PRELID2: variants seen among roughly 807,000 people sequenced by gnomAD.
PRELID2 encodes the protein PRELI domain-containing protein 2.
In PRELID2, 25 loss-of-function variants were observed where a neutral mutation model predicts 28.4. The observed-to-expected ratio is 0.88, with a 90% CI of 0.64 to 1.23. The LOEUF (loss-of-function observed/expected upper bound fraction) is 1.23. Among genes scored for constraint, PRELID2 ranks in the 50% most tolerant of loss-of-function variants. The pLI, the probability that PRELID2 is intolerant of heterozygous loss-of-function variation, is 0.00. For missense variants in PRELID2, 201 were observed against 214.4 expected (o/e 0.94, Z 0.39); for synonymous variants, 76 against 71.6 (o/e 1.06, Z -0.31).
chr5:145,289,622 C>G, the PRELID2 span, among the ~76,000 whole-genome samples: 1 of 152,162 alleles, frequency 6.6e-6, no homozygotes, highest in Non-Finnish European at 1.5e-5. Flanking sequence ...CCTAGGAGCA[C>G]TATTCCTAGA....
the PRELID2 span, chr5:145,450,811 G>A: frequency 6.6e-6 from 1 of 152,186 alleles, no homozygotes; most frequent in African/African-American, 2.4e-5. Context: ...GTCAGCTACT[G>A]AGAATGAATT....
At chr5:145,607,303 G>A (rs1301166841) in intron 1 of PRELID2, among the ~76,000 whole-genome samples, 1 of 151,946 alleles carries the variant, frequency 6.6e-6, no homozygotes, top group Admixed American at 6.6e-5. Context: ...AGGTTGATTT[G>A]CACTTGTTTC....
intron 1 of PRELID2, among the ~76,000 whole-genome samples, chr5:145,628,727 C>G (rs1044122336): frequency 6.6e-6 from 1 of 152,130 alleles, no homozygotes; most frequent in Admixed American, 6.6e-5. Context: ...GAACTATGAT[C>G]TGTGGTTATT....
At chr5:145,233,659 T>C in the PRELID2 span, among the ~76,000 whole-genome samples, 1 of 152,144 alleles carries the variant, frequency 6.6e-6, no homozygotes, top group East Asian at 1.9e-4. Flanking sequence ...AGGACAGTTA[T>C]GGAAAGGAGA....
At chr5:145,376,578 A>T in the PRELID2 span, among the ~76,000 whole-genome samples, 1 of 152,090 alleles carries the variant, frequency 6.6e-6, no homozygotes, top group East Asian at 1.9e-4. Context: ...AGAGCTTGTT[A>T]TTGGTCTGTT....
chr5:145,344,684 G>T, the PRELID2 span, among the ~76,000 whole-genome samples: 1 of 152,082 alleles, frequency 6.6e-6, no homozygotes, highest in African/African-American at 2.4e-5. Flanking sequence ...TGAGAGGGAT[G>T]CTCCTGCCAA....
the PRELID2 span, among the ~76,000 whole-genome samples, chr5:145,415,141 T>C: frequency 1.3e-5 from 2 of 152,172 alleles, no homozygotes; most frequent in Non-Finnish European, 2.9e-5. Context: ...TAACAGTCTC[T>C]CAGATTAGAG....
chr5:145,730,160 G>A (rs994149443), intron 1 of PRELID2, among the ~76,000 whole-genome samples: 1 of 152,060 alleles, frequency 6.6e-6, no homozygotes, highest in Admixed American at 6.6e-5. Context: ...AGAGCTTAGT[G>A]TTCCAAAGGC....
chr5:145,605,360 G>A (rs1753489781), intron 1 of PRELID2, among the ~76,000 whole-genome samples: 1 of 152,114 alleles, frequency 6.6e-6, no homozygotes, highest in African/African-American at 2.4e-5. Context: ...TACGGTGTAA[G>A]GAAGGGGTCA....
intron 5 of PRELID2, among the ~76,000 whole-genome samples, chr5:145,790,721 G>GTGTGTGTGTGTGTATATATGTA (rs772901344): frequency 1.8e-5 from 2 of 110,910 alleles, no homozygotes; most frequent in Non-Finnish European, 3.8e-5. Flanking sequence ...GTGTGTGTGT[G>GTGTGTGTGTGTGTATATATGTA]TATATATATA....
intron 1 of PRELID2, among the ~76,000 whole-genome samples, chr5:145,490,902 C>G (rs373875030): frequency 7.2e-5 from 11 of 151,936 alleles, no homozygotes; most frequent in South Asian, 6.3e-4. Context: ...CCCCACCCCC[C>G]CATCAAACCC....
At chr5:145,751,752 C>A (rs988066817), downstream of PRELID2, among the ~76,000 whole-genome samples, 3 of 152,114 alleles carry the variant, frequency 2.0e-5, no homozygotes, top group East Asian at 1.9e-4. Flanking sequence ...GAGGCCGAGG[C>A]GGGTGGATCA....
chr5:145,508,866 A>G (rs1332478073), intron 1 of PRELID2, among the ~76,000 whole-genome samples: 1 of 152,178 alleles, frequency 6.6e-6, no homozygotes, highest in African/African-American at 2.4e-5. Flanking sequence ...AAGCAACATC[A>G]TCCTGTGGCA....
chr5:145,824,478 A>C (rs1028696557), intron 1 of PRELID2, among the ~76,000 whole-genome samples: 1 of 94,224 alleles, frequency 1.1e-5, no homozygotes, highest in Admixed American at 1.1e-4. Context: ...TTGATTTATT[A>C]ATGGATTTTT....
chr5:145,296,977 G>A, the PRELID2 span, among the ~76,000 whole-genome samples: 7 of 152,238 alleles, frequency 4.6e-5, no homozygotes, highest in East Asian at 5.8e-4. Flanking sequence ...TTTTTTGGCC[G>A]CATAAATGTC....
chr5:145,834,684 T>C (rs1487094934), intron 1 of PRELID2: 1 of 152,776 alleles, frequency 6.5e-6, no homozygotes, highest in African/African-American at 2.4e-5. Flanking sequence ...GAGTCGGTAC[T>C]ATTATTTTCC....
chr5:145,260,888 T>A, the PRELID2 span, among the ~76,000 whole-genome samples: 1 of 152,156 alleles, frequency 6.6e-6, no homozygotes, highest in Non-Finnish European at 1.5e-5. Context: ...AGGCTTGCTT[T>A]CTCAGCTGGG....
At chr5:145,315,989 G>GT in the PRELID2 span, among the ~76,000 whole-genome samples, 1 of 151,978 alleles carries the variant, frequency 6.6e-6, no homozygotes, top group South Asian at 2.1e-4. Flanking sequence ...TACTCTTGAG[G>GT]TTATTTACCT....
At chr5:145,690,042 T>A (rs1158823978) in intron 1 of PRELID2, among the ~76,000 whole-genome samples, 1 of 147,802 alleles carries the variant, frequency 6.8e-6, no homozygotes, top group African/African-American at 2.5e-5. Context: ...CAGGCTGGAG[T>A]GCAATGGTGC....
Sources: gnomAD v4.1 joint callset for allele counts (sites outside exome capture counted in the v4.1 genomes callset) on GRCh38, gnomAD v4.1.1 for gene constraint, MANE v1.5 for transcripts, NCBI Gene and HGNC (gene_info 2026-07-23, HGNC 2026-07-21) for gene names.